Variants in MAST4 observed in about 807,000 individuals in gnomAD.
MAST4 encodes microtubule-associated serine/threonine-protein kinase 4.
A neutral mutation model predicts 162.7 loss-of-function variants in MAST4; 89 were observed. The ratio of observed to expected loss-of-function variants is 0.55; its 90% confidence interval spans 0.46 to 0.65. The LOEUF is 0.65. Ranked by LOEUF, MAST4 falls within the 30% of genes least tolerant of loss-of-function variation. The pLI is 0.00. For missense variants in MAST4, 3,153 were observed against 3,374.0 expected, an observed-to-expected ratio of 0.93 and a Z score of 1.62; for synonymous variants, 1,479 against 1,361.1, an observed-to-expected ratio of 1.09 and a Z score of -1.91.
intron 23 of MAST4, among the ~76,000 whole-genome samples, chr5:67,145,944 A>G (rs747186416): frequency 1.3e-5 from 2 of 152,242 alleles, no homozygotes; most frequent in African/African-American, 2.4e-5. Context: ...GACTCAGTGC[A>G]GACTGAGTGC....
At chr5:66,708,141 G>A (rs1162311230) in intron 1 of MAST4, among the ~76,000 whole-genome samples, 1 of 152,172 alleles carries the variant, frequency 6.6e-6, no homozygotes, top group Non-Finnish European at 1.5e-5. Context: ...TGCAAAGCTA[G>A]TCCTAGTTTC....
intron 3 of MAST4, chr5:66,789,660 C>T (rs1232496794): frequency 2.0e-6 from 1 of 510,668 alleles, no homozygotes; most frequent in African/African-American, 1.9e-5. Flanking sequence ...AGGCCCATCA[C>T]ATCCATCTGC....
At chr5:67,143,410 G>A (rs1468672065) in intron 21 of MAST4, among the ~76,000 whole-genome samples, 1 of 151,646 alleles carries the variant, frequency 6.6e-6, no homozygotes, top group Non-Finnish European at 1.5e-5. Flanking sequence ...TACAGTAAAA[G>A]TTAAAAAAAA....
In MAST4 at chr5:66,608,355, CTTTTTTTTTTTTTTTTTTTTTT is replaced by C. The variant is rs72272071; in HGVS notation, c.363+11347_363+11368del. 9.0e-5 allele frequency among the ~76,000 whole-genome samples: 4 copies of C among 44,392 alleles called. No individual in the cohort carries two copies. In the Admixed American group the frequency reaches 9.1e-4, roughly 10 times the overall value. The allele number at this position is 44,392 out of a possible 152,430, so 29.1% of individuals were successfully genotyped here. ...ACAGACATGAACCACTGTGCCTGGC[CTTTTTTTTTTTTTTTTTTTTTT>C]TTTTTTTTTGATGGCGAGAACATTA... On this transcript the variant is annotated intron_variant, in intron 1 of 28. Transcript: ENST00000403625.
chr5:66,874,827 C>A (rs528187039), intron 3 of MAST4, among the ~76,000 whole-genome samples: 1 of 152,316 alleles, frequency 6.6e-6, no homozygotes, highest in Non-Finnish European at 1.5e-5. Context: ...GTCTTCTTTT[C>A]TCACTACTAT....
intron 4 of MAST4, among the ~76,000 whole-genome samples, chr5:66,951,462 A>G (rs1057052936): frequency 2.6e-5 from 4 of 152,158 alleles, no homozygotes; most frequent in Non-Finnish European, 4.4e-5. Context: ...GTCCACACAG[A>G]CAATACAGAA....
At chr5:67,059,219 G>T in intron 5 of MAST4, among the ~76,000 whole-genome samples, 1 of 152,136 alleles carries the variant, frequency 6.6e-6, no homozygotes, top group Non-Finnish European at 1.5e-5. Context: ...TAGCCAGCAG[G>T]GGCATATCCG....
At chr5:66,784,726 G>A (rs190470014) in intron 2 of MAST4, among the ~76,000 whole-genome samples, 7 of 152,314 alleles carry the variant, frequency 4.6e-5, no homozygotes, top group Non-Finnish European at 7.3e-5. Flanking sequence ...TGGTGGTGGT[G>A]GAGGATGCAG....
intron 4 of MAST4, among the ~76,000 whole-genome samples, chr5:67,041,898 G>GA (rs1756789492): frequency 1.3e-5 from 2 of 152,184 alleles, no homozygotes; most frequent in Non-Finnish European, 2.9e-5. Context: ...AAAGTGCTGG[G>GA]ATTACAGGCA....
At chr5:67,073,416 A>G (rs2150679141) in intron 5 of MAST4, among the ~76,000 whole-genome samples, 1 of 152,368 alleles carries the variant, frequency 6.6e-6, no homozygotes, top group East Asian at 1.9e-4. Flanking sequence ...AAAGTTGGAA[A>G]AGTGGGTGGT....
chr5:67,090,684 T>A (rs927218464), intron 6 of MAST4, among the ~76,000 whole-genome samples: 3 of 151,200 alleles, frequency 2.0e-5, no homozygotes, highest in African/African-American at 7.3e-5. Context: ...ATGTTTGCAA[T>A]TGGGCACCAG....
intron 3 of MAST4, among the ~76,000 whole-genome samples, chr5:66,811,042 G>T (rs541241061): frequency 1.2e-4 from 18 of 152,302 alleles, no homozygotes; most frequent in African/African-American, 3.6e-4. Context: ...TGGCTTTCGG[G>T]AATAGAGCAG....
chr5:67,085,783 C>G (rs1037289707), intron 5 of MAST4, among the ~76,000 whole-genome samples: 1 of 152,092 alleles, frequency 6.6e-6, no homozygotes, highest in South Asian at 2.1e-4. Flanking sequence ...TGGAGAGGAG[C>G]CAGTTTGAGA....
At chr5:66,944,011 C>T (rs1743670930) in intron 4 of MAST4, among the ~76,000 whole-genome samples, 1 of 152,096 alleles carries the variant, frequency 6.6e-6, no homozygotes, top group Non-Finnish European at 1.5e-5. Flanking sequence ...GTAACCATCT[C>T]CCCGTTCTTT....
At chr5:67,096,263 T>A (rs1026379594) in intron 7 of MAST4, among the ~76,000 whole-genome samples, 3 of 152,186 alleles carry the variant, frequency 2.0e-5, no homozygotes, top group Admixed American at 2.0e-4. Context: ...TGCCCCAAAC[T>A]ATAACATTTC....
chr5:67,002,631 A>G (rs985096067), intron 4 of MAST4, among the ~76,000 whole-genome samples: 1 of 152,108 alleles, frequency 6.6e-6, no homozygotes, highest in Non-Finnish European at 1.5e-5. Context: ...TACTGCCTAC[A>G]TTTATGCGCA....
At chr5:66,746,711 A>G (rs1752779822) in intron 1 of MAST4, among the ~76,000 whole-genome samples, 1 of 152,208 alleles carries the variant, frequency 6.6e-6, no homozygotes, top group South Asian at 2.1e-4. Flanking sequence ...TATCAGGGCA[A>G]TTTAATGACT....
At chr5:66,721,331 TC>T (rs1751197416) in intron 1 of MAST4, among the ~76,000 whole-genome samples, 1 of 152,156 alleles carries the variant, frequency 6.6e-6, no homozygotes, top group Non-Finnish European at 1.5e-5. Flanking sequence ...TAGAGACTAC[TC>T]TTGTCAATGT....
At chr5:66,633,851 C>G (rs1744935955) in intron 1 of MAST4, among the ~76,000 whole-genome samples, 1 of 152,044 alleles carries the variant, frequency 6.6e-6, no homozygotes, top group Non-Finnish European at 1.5e-5. Flanking sequence ...TAGTTTTAGA[C>G]TTGGTTCTTC....
Sources: gnomAD v4.1 joint callset for allele counts (sites outside exome capture counted in the v4.1 genomes callset) on GRCh38, gnomAD v4.1.1 for gene constraint, MANE v1.5 for transcripts, NCBI Gene and HGNC (gene_info 2026-07-23, HGNC 2026-07-21) for gene names.